ECT2L: variants seen among roughly 807,000 people sequenced by gnomAD.
ECT2L encodes epithelial cell transforming 2 like.
ECT2L carries 126 observed loss-of-function variants against 122.8 expected under a neutral mutation model. That is an observed-to-expected ratio of 1.03 (90% CI 0.89 to 1.19). ECT2L has a LOEUF of 1.19. Among genes scored for constraint, ECT2L ranks in the 50% most tolerant of loss-of-function variants. The pLI, the probability that ECT2L is intolerant of heterozygous loss-of-function variation, is 0.00. For missense variants in ECT2L, 1,012 were observed against 1,064.1 expected (o/e 0.95, Z 0.68); for synonymous variants, 385 against 381.8 (o/e 1.01, Z -0.10).
At chr6:138,887,163 T>C (rs1778853586) in intron 19 of ECT2L, among the ~76,000 whole-genome samples, 1 of 152,168 alleles carries the variant, frequency 6.6e-6, no homozygotes, top group Admixed American at 6.5e-5. Flanking sequence ...CCTTTATTGG[T>C]ATTACTGTGA....
chr6:138,841,883 T>C (rs1271770064), intron 5 of ECT2L, among the ~76,000 whole-genome samples: 1 of 152,216 alleles, frequency 6.6e-6, no homozygotes, highest in African/African-American at 2.4e-5. Context: ...TATGTCAAAA[T>C]GGCTGAATAT....
At chr6:138,862,779 A>T in intron 11 of ECT2L, 60 bp downstream of exon 11, 1 of 1,421,390 alleles carries the variant, frequency 7.0e-7, no homozygotes, top group Middle Eastern at 1.8e-4. Flanking sequence ...CAGAATCACC[A>T]AAAGACAAAA....
intron 1 of ECT2L, among the ~76,000 whole-genome samples, chr6:138,799,889 C>G (rs1775482278): frequency 6.6e-6 from 1 of 152,204 alleles, no homozygotes; most frequent in Admixed American, 6.5e-5. Context: ...CTTGTATAAT[C>G]TAACTCCCAG....
At chr6:138,885,456 A>T (rs750729049) in intron 16 of ECT2L, 50 bp from the exon 17 acceptor site, 1 of 1,576,334 alleles carries the variant, frequency 6.3e-7, no homozygotes, top group Non-Finnish European at 8.7e-7. Context: ...GGAACAGTGG[A>T]CTTTACAACT....
intron 14 of ECT2L, among the ~76,000 whole-genome samples, chr6:138,878,722 C>T (rs570070347): frequency 6.6e-6 from 1 of 152,350 alleles, no homozygotes; most frequent in East Asian, 1.9e-4. Context: ...GCTGGGATTA[C>T]AGGCATGAGC....
chr6:138,801,310 T>C (rs1461168867), intron 1 of ECT2L, among the ~76,000 whole-genome samples: 2 of 152,238 alleles, frequency 1.3e-5, no homozygotes, highest in Non-Finnish European at 2.9e-5. Context: ...ATATGCCTTA[T>C]GTGAATCCAC....
chr6:138,815,059 G>A (rs906010678), intron 4 of ECT2L, among the ~76,000 whole-genome samples: 4 of 152,174 alleles, frequency 2.6e-5, no homozygotes, highest in East Asian at 1.9e-4. Flanking sequence ...CAAGGATTAC[G>A]AAGAGGGTTC....
intron 20 of ECT2L, among the ~76,000 whole-genome samples, chr6:138,899,604 A>T (rs1028929873): frequency 1.3e-5 from 2 of 152,184 alleles, no homozygotes; most frequent in African/African-American, 4.8e-5. Flanking sequence ...GCAGGGATTG[A>T]TGTCACTTAA....
At chr6:138,849,202 T>C (rs993253433) in intron 8 of ECT2L, 67 bp from the exon 9 acceptor site, 38 of 1,401,698 alleles carry the variant, frequency 2.7e-5, no homozygotes, top group Admixed American at 2.6e-4. Context: ...TCCGTTCTAT[T>C]TCTTTCATTA....
At position 138,903,119 on chromosome 6, in the gene ECT2L, G is replaced by A. The variant is rs1248344315; in HGVS notation, c.*492G>A. ...CACGCCTGTAATCCCAGCACTTTGGGAGGCTGAGGTGGCAGATTACCTGAG... is the reference window on the plus strand; with the variant it reads ...CACGCCTGTAATCCCAGCACTTTGGAAGGCTGAGGTGGCAGATTACCTGAG... On this transcript the variant is annotated 3_prime_UTR_variant, in exon 22 of 22. Coordinates refer to ENST00000541398, the MANE Select transcript of ECT2L (RefSeq NM_001077706.3). 1 of 154,872 alleles carries A rather than the reference G, an allele frequency of 6.5e-6. No homozygotes were observed. The highest frequency in any genetic ancestry group is 1.4e-5 in the Non-Finnish European group (1 of 70,120). The allele number at this position is 154,872 out of a possible 1,614,324, so 9.6% of individuals were successfully genotyped here.
intron 1 of ECT2L, among the ~76,000 whole-genome samples, chr6:138,808,998 A>C (rs1295933030): frequency 1.7e-4 from 26 of 152,036 alleles, no homozygotes; most frequent in Admixed American, 1.7e-3. Flanking sequence ...AAGTGTTGGG[A>C]TTACAGGCGT....
intron 20 of ECT2L, among the ~76,000 whole-genome samples, chr6:138,897,368 G>A (rs930869711): frequency 1.3e-5 from 2 of 152,050 alleles, no homozygotes; most frequent in Non-Finnish European, 2.9e-5. Context: ...ACCTCATACA[G>A]TATAAGTATT....
At chr6:138,798,635 A>G (rs1775424515) in intron 1 of ECT2L, among the ~76,000 whole-genome samples, 1 of 152,206 alleles carries the variant, frequency 6.6e-6, no homozygotes, top group Non-Finnish European at 1.5e-5. Context: ...GCCAATGTCA[A>G]TTTCCGAGTT....
chr6:138,897,628 T>C (rs979487905), intron 20 of ECT2L, among the ~76,000 whole-genome samples: 1 of 152,196 alleles, frequency 6.6e-6, no homozygotes, highest in African/African-American at 2.4e-5. Context: ...GGGCTTAATT[T>C]AGTAAATGGC....
intron 4 of ECT2L, among the ~76,000 whole-genome samples, chr6:138,818,396 G>A (rs1776141759): frequency 6.6e-6 from 1 of 152,108 alleles, no homozygotes; most frequent in Non-Finnish European, 1.5e-5. Flanking sequence ...GGGCTCACTT[G>A]AGGACGTCTG....
At position 138,870,495 on chromosome 6, in the gene ECT2L, ATGAG is replaced by A. The variant is rs1254440350; in HGVS notation, c.1578+2291_1578+2294del. On this transcript the variant is annotated intron_variant, in intron 13 of 21. Transcript: ENST00000541398. ...ATAGGGTGTTTTGTAGTTTCATAAT[ATGAG>A]TAACATTTAAGCCGCTTAAAAGCAT... Among the ~76,000 whole-genome samples, 5 of 152,228 alleles carry A rather than the reference ATGAG, an allele frequency of 3.3e-5. No individual in the cohort carries two copies. In the East Asian group the frequency reaches 9.6e-4, roughly 29 times the overall value.
intron 4 of ECT2L, among the ~76,000 whole-genome samples, chr6:138,824,588 A>AAAAC (rs1776378745): frequency 1.3e-5 from 2 of 151,654 alleles, no homozygotes; most frequent in African/African-American, 2.4e-5. Flanking sequence ...AAACAAAAAA[A>AAAAC]ACACAAAACA....
intron 4 of ECT2L, among the ~76,000 whole-genome samples, chr6:138,826,606 G>T (rs1396175869): frequency 2.6e-5 from 4 of 152,058 alleles, no homozygotes; most frequent in Non-Finnish European, 5.9e-5. Context: ...GGCAGAGATT[G>T]CAGTGAGCCG....
intron 1 of ECT2L, among the ~76,000 whole-genome samples, chr6:138,798,221 C>T (rs964753551): frequency 3.9e-5 from 6 of 152,184 alleles, no homozygotes; most frequent in Non-Finnish European, 8.8e-5. Flanking sequence ...TTGATGACAT[C>T]ATTGGCCATT....
Sources: gnomAD v4.1 joint callset for allele counts (sites outside exome capture counted in the v4.1 genomes callset) on GRCh38, gnomAD v4.1.1 for gene constraint, MANE v1.5 for transcripts, NCBI Gene and HGNC (gene_info 2026-07-23, HGNC 2026-07-21) for gene names.